CD1B: variants seen among roughly 807,000 people sequenced by gnomAD.
The protein encoded by CD1B is T-cell surface glycoprotein CD1b.
Under a neutral mutation model 39.8 loss-of-function variants are expected in CD1B, and 43 were observed. The observed-to-expected ratio is 1.08, with a 90% CI of 0.85 to 1.39. CD1B has a LOEUF of 1.39. Ranked by LOEUF, CD1B falls within the 40% of genes most tolerant of loss-of-function variation. CD1B has a pLI of 0.00. For missense variants in CD1B, 495 were observed against 403.8 expected, an observed-to-expected ratio of 1.23 and a Z score of -1.94; for synonymous variants, 192 against 152.5, an observed-to-expected ratio of 1.26 and a Z score of -1.91.
chr1:158,310,015 A>G, the CD1B span, among the ~76,000 whole-genome samples: 1 of 152,228 alleles, frequency 6.6e-6, no homozygotes. Flanking sequence ...ACCCAAAGCA[A>G]TCTTAAGCAA....
chr1:158,322,429 T>G, the CD1B span, among the ~76,000 whole-genome samples: 7,587 of 149,598 alleles, frequency 0.051, 587 homozygotes, highest in African/African-American at 0.17. Context: ...TTTTTTTTTT[T>G]TGTGTGTGTG....
chr1:158,293,187 C>T, the CD1B span: 20 of 1,548,986 alleles, frequency 1.3e-5, no homozygotes, highest in Admixed American at 2.1e-4. Flanking sequence ...AAAATGGCAT[C>T]CATGTATCTT....
the CD1B span, among the ~76,000 whole-genome samples, chr1:158,305,546 G>T: frequency 1.3e-5 from 2 of 152,182 alleles, no homozygotes; most frequent in Non-Finnish European, 2.9e-5. Context: ...ATCTAGCAAG[G>T]CAGGCCAACA....
At chr1:158,296,393 T>C in the CD1B span, among the ~76,000 whole-genome samples, 1 of 152,114 alleles carries the variant, frequency 6.6e-6, no homozygotes, top group South Asian at 2.1e-4. Flanking sequence ...CCCAAACCTA[T>C]ACCATAGTCA....
the CD1B span, among the ~76,000 whole-genome samples, chr1:158,288,445 A>G: frequency 6.6e-6 from 1 of 152,262 alleles, no homozygotes; most frequent in Non-Finnish European, 1.5e-5. Context: ...AGGCTGGAGT[A>G]CAGTGACATG....
chr1:158,314,330 C>T, the CD1B span, among the ~76,000 whole-genome samples: 1 of 152,212 alleles, frequency 6.6e-6, no homozygotes, highest in Middle Eastern at 3.2e-3. Context: ...GATCCACCCT[C>T]CTCGGCCTCC....
intron 1 of CD1B, 115 bp downstream of exon 1, chr1:158,331,248 C>G (rs192074897): frequency 3.5e-6 from 4 of 1,142,544 alleles, no homozygotes; most frequent in Non-Finnish European, 5.2e-6. Flanking sequence ...TTGAAGAGGG[C>G]GGGAGACAGA....
At chr1:158,306,646 C>G in the CD1B span, among the ~76,000 whole-genome samples, 5 of 152,142 alleles carry the variant, frequency 3.3e-5, no homozygotes, top group Admixed American at 2.6e-4. Context: ...AGCACCACAC[C>G]GCACTTATTC....
At chr1:158,297,145 A>G in the CD1B span, among the ~76,000 whole-genome samples, 1 of 152,200 alleles carries the variant, frequency 6.6e-6, no homozygotes, top group Non-Finnish European at 1.5e-5. Context: ...CAAGATACAC[A>G]ATAATAAGAT....
intron 5 of CD1B, among the ~76,000 whole-genome samples, 199 bp from the exon 6 acceptor site, chr1:158,328,456 C>T (rs1224081381): frequency 1.3e-5 from 2 of 152,102 alleles, no homozygotes; most frequent in Non-Finnish European, 2.9e-5. Flanking sequence ...CTTTCATATG[C>T]TACAATGAGG....
chr1:158,286,142 A>C, the CD1B span, among the ~76,000 whole-genome samples: 1 of 152,108 alleles, frequency 6.6e-6, no homozygotes, highest in South Asian at 2.1e-4. Flanking sequence ...GGACAAGAAA[A>C]GGGAAGTTGG....
At chr1:158,319,654 C>T in the CD1B span, among the ~76,000 whole-genome samples, 1 of 152,260 alleles carries the variant, frequency 6.6e-6, no homozygotes, top group Non-Finnish European at 1.5e-5. Flanking sequence ...AAGCCTTCTT[C>T]TCTCAGCTCG....
Position 158,331,037 on chromosome 1 carries a change from A to G in CD1B, c.87T>C (p.His29=), listed in dbSNP as rs753931605. The G allele has an allele frequency of 2.5e-6, 4 of 1,613,078 alleles. No homozygotes were observed. Among genetic ancestry groups the G allele is most frequent in the Non-Finnish European group, 2.5e-6 (3 of 1,179,646 alleles). The change falls in exon 2 of 6, where the codon CAT becomes CAC. Residue 29 remains histidine (H), a synonymous_variant. Coordinates refer to ENST00000368168, the MANE Select transcript of CD1B (RefSeq NM_001764.3). ...TGGTAAAGGACGAGGTCTGGATAAC[A>G]TGAAAGGAGGTCGGCCCCTGGAAGG... ...EHAFQGPTSF[H]VIQTSSFTNS...
At chr1:158,302,907 G>A in the CD1B span, among the ~76,000 whole-genome samples, 1 of 152,064 alleles carries the variant, frequency 6.6e-6, no homozygotes, top group African/African-American at 2.4e-5. Flanking sequence ...AATTGAGGGG[G>A]AGTGATTATT....
chr1:158,315,725 C>G, the CD1B span, among the ~76,000 whole-genome samples: 1 of 151,922 alleles, frequency 6.6e-6, no homozygotes, highest in Non-Finnish European at 1.5e-5. Flanking sequence ...GACATGAAGT[C>G]CTTGCCCATG....
At chr1:158,303,713 C>A in the CD1B span, among the ~76,000 whole-genome samples, 4 of 151,898 alleles carry the variant, frequency 2.6e-5, no homozygotes, top group African/African-American at 7.3e-5. Context: ...TATAGCTAAC[C>A]AAGAAAGTGA....
the CD1B span, among the ~76,000 whole-genome samples, chr1:158,316,862 C>A: frequency 1.3e-5 from 2 of 151,948 alleles, no homozygotes; most frequent in East Asian, 1.9e-4. Context: ...GAGTTTTGAG[C>A]ATGAAGGGTT....
the CD1B span, among the ~76,000 whole-genome samples, chr1:158,298,590 A>G: frequency 3.9e-5 from 6 of 152,190 alleles, no homozygotes; most frequent in Non-Finnish European, 8.8e-5. Flanking sequence ...CATTGAATTT[A>G]TAAATTACTT....
chr1:158,323,107 T>G (rs914065317), downstream of CD1B, among the ~76,000 whole-genome samples: 1 of 152,108 alleles, frequency 6.6e-6, no homozygotes, highest in African/African-American at 2.4e-5. Flanking sequence ...TTCTGTACCC[T>G]CTTGAACTCC....
Sources: allele counts gnomAD v4.1 joint callset (sites outside exome capture counted in the v4.1 genomes callset), GRCh38; gene constraint gnomAD v4.1.1; transcripts MANE v1.5; gene names NCBI Gene and HGNC (gene_info 2026-07-23, HGNC 2026-07-21).